The following PCDHGB4 variants were observed in gnomAD, a reference collection of about 807,000 sequenced individuals.
PCDHGB4 encodes the protein protocadherin gamma-B4.
PCDHGB4 carries 38 observed loss-of-function variants against 60.5 expected under a neutral mutation model. The ratio of observed to expected loss-of-function variants is 0.63; its 90% confidence interval spans 0.48 to 0.82. The LOEUF is 0.82. Ranked by LOEUF, PCDHGB4 falls within the 40% of genes least tolerant of loss-of-function variation. The pLI is 0.00. For synonymous variants in PCDHGB4, 456 were observed against 509.7 expected (o/e 0.89, Z 1.42); for missense variants, 1,109 against 1,209.6 (o/e 0.92, Z 1.23).
At chr5:141,414,812 T>C (rs1389980970) in intron 1 of PCDHGB4, 1 of 1,614,172 alleles carries the variant, frequency 6.2e-7, no homozygotes, top group South Asian at 1.1e-5. Flanking sequence ...GATCCTCCAC[T>C]CAGCAGCAAC....
At chr5:141,453,071 C>G (rs561248978) in intron 1 of PCDHGB4, among the ~76,000 whole-genome samples, 13 of 152,150 alleles carry the variant, frequency 8.5e-5, no homozygotes, top group South Asian at 2.1e-4. Flanking sequence ...TTTTGCCACA[C>G]TCTGGTTGAT....
At chr5:141,430,586 C>G in intron 1 of PCDHGB4, 1 of 517,248 alleles carries the variant, frequency 1.9e-6, no homozygotes, top group Non-Finnish European at 3.1e-6. Context: ...TCCTGCTCGC[C>G]TTGCACGCGC....
chr5:141,423,288 C>T, intron 1 of PCDHGB4: 1 of 1,586,414 alleles, frequency 6.3e-7, no homozygotes, highest in African/African-American at 1.3e-5. Context: ...ACTCTGAAAC[C>T]TCAGACCTCT....
chr5:141,476,661 T>G lies in PCDHGB4; in HGVS notation c.2398-18146T>G. 1.2e-6 allele frequency: 2 copies of G among 1,614,076 alleles called. No individual in the cohort carries two copies. The highest frequency in any genetic ancestry group is 1.7e-6 in the Non-Finnish European group (2 of 1,179,938). On this transcript the variant is annotated intron_variant, in intron 1 of 3. Coordinates refer to ENST00000519479, the MANE Select transcript of PCDHGB4 (RefSeq NM_003736.4). The surrounding 1 kb of genome is among the most constrained non-coding windows in gnomAD (Gnocchi z 7.6). Reference sequence around the variant, plus strand: ...CTGAGCCGAAATGAATACTTTGCGCTTCGCGTGCAGACGCGGGAGGACAGC... The same window carrying G: ...CTGAGCCGAAATGAATACTTTGCGCGTCGCGTGCAGACGCGGGAGGACAGC...
intron 1 of PCDHGB4, chr5:141,430,598 T>G: frequency 1.7e-6 from 1 of 598,568 alleles, no homozygotes; most frequent in Non-Finnish European, 2.6e-6. Context: ...TGCACGCGCC[T>G]GAAGCACAAA....
Position 141,489,560 on chromosome 5 carries a change from A to C in PCDHGB4, c.2398-5247A>C, listed in dbSNP as rs749076412. On this transcript the variant is annotated intron_variant, in intron 1 of 3. Coordinates refer to ENST00000519479, the MANE Select transcript of PCDHGB4 (RefSeq NM_003736.4). This position sits in a 1 kb window ranked among gnomAD's most constrained non-coding sequence, Gnocchi z 4.5. Reference sequence around the variant, plus strand: ...AGCACCAGCTGCCTGCTGCCAGTGCAGGTGGTGACTGAACACCCCCTGGAG... The same window carrying C: ...AGCACCAGCTGCCTGCTGCCAGTGCCGGTGGTGACTGAACACCCCCTGGAG... 2 of 1,614,142 alleles carry C rather than the reference A, an allele frequency of 1.2e-6. No individual in the cohort carries two copies. Among genetic ancestry groups the C allele is most frequent in the Admixed American group, 3.3e-5 (2 of 60,024 alleles).
intron 1 of PCDHGB4, chr5:141,418,575 C>T (rs2154547779): frequency 6.2e-7 from 1 of 1,614,018 alleles, no homozygotes; most frequent in East Asian, 2.2e-5. Context: ...AATGACAACC[C>T]CCCAGTGTTC....
intron 1 of PCDHGB4, among the ~76,000 whole-genome samples, chr5:141,467,590 A>T (rs2099146863): frequency 6.6e-6 from 1 of 152,214 alleles, no homozygotes; most frequent in African/African-American, 2.4e-5. Context: ...AATGCCATTT[A>T]TTAAGCACTT....
chr5:141,404,387 C>A, intron 1 of PCDHGB4: 1 of 1,613,874 alleles, frequency 6.2e-7, no homozygotes, highest in Non-Finnish European at 8.5e-7. Context: ...TGCCTATGAC[C>A]CTGATAGCAA....
intron 1 of PCDHGB4, chr5:141,409,423 T>G: frequency 6.2e-7 from 1 of 1,614,026 alleles, no homozygotes; most frequent in Non-Finnish European, 8.5e-7. Context: ...TGGTGACAGA[T>G]GGAGCCCTGG....
chr5:141,394,276 C>T, intron 1 of PCDHGB4: 2 of 1,613,976 alleles, frequency 1.2e-6, no homozygotes, highest in South Asian at 1.1e-5. Flanking sequence ...GCCCAGGTCA[C>T]TTACTCTGTG....
chr5:141,487,340 G>A lies in PCDHGB4; in HGVS notation c.2398-7467G>A, dbSNP rs2099643329. 6.2e-7 allele frequency: 1 copy of A among 1,614,182 alleles called. No individual in the cohort carries two copies. Among genetic ancestry groups the A allele is most frequent in the Admixed American group, 1.7e-5 (1 of 60,024 alleles). The stretch of plus-strand genomic sequence containing the variant: ...GTGTCTTCGTGGGGCAGCCTGTGGA[G>A]TCACATGCTTTCCTGCTGGCACCTG... On this transcript the variant is annotated intron_variant, in intron 1 of 3. Coordinates refer to ENST00000519479, the MANE Select transcript of PCDHGB4 (RefSeq NM_003736.4). This position sits in a 1 kb window ranked among gnomAD's most constrained non-coding sequence, Gnocchi z 5.0.
chr5:141,392,869 T>G, intron 1 of PCDHGB4: 4 of 1,613,228 alleles, frequency 2.5e-6, no homozygotes, highest in Non-Finnish European at 3.4e-6. Flanking sequence ...CTGTGCGCGC[T>G]GCTGGGAACG....
chr5:141,420,673 A>T (rs1244699899), intron 1 of PCDHGB4, among the ~76,000 whole-genome samples: 5 of 152,208 alleles, frequency 3.3e-5, no homozygotes, highest in Admixed American at 3.3e-4. Flanking sequence ...CTACCTGATG[A>T]TTTTATCGGG....
At chr5:141,398,014 C>T in intron 1 of PCDHGB4, 1 of 1,420,276 alleles carries the variant, frequency 7.0e-7, no homozygotes, top group South Asian at 1.5e-5. Context: ...AGAATCGTTT[C>T]CTAAACTGGA....
rs1380943019 is a variant in PCDHGB4 at position 141,389,411 on chromosome 5, C to T, written c.1527C>T (p.Ser509=). ...CCTACGTGTCCATAAGCGCGGAGAG[C>T]GGGGTGGTGTTCGCGCAGCGCGCCT... is the stretch of plus-strand genomic sequence containing the variant. ...LSSYVSISAE[S]GVVFAQRAFD... is the part of the protein sequence containing the mutation. The change falls in exon 1 of 4, where the codon AGC becomes AGT. Residue 509 remains serine, a synonymous_variant. Coordinates refer to ENST00000519479, the MANE Select transcript of PCDHGB4 (RefSeq NM_003736.4). 8 of 1,613,450 alleles carry T rather than the reference C, an allele frequency of 5.0e-6. No homozygotes were observed. The East Asian group carries it at 6.7e-5, about 13-fold the overall frequency.
chr5:141,400,080 C>T (rs375308173), intron 1 of PCDHGB4: 219 of 1,614,010 alleles, frequency 1.4e-4, no homozygotes, highest in East Asian at 2.9e-4. Flanking sequence ...CGCCACTCTC[C>T]GCCACCGCCA....
intron 1 of PCDHGB4, 82 bp from the exon 2 acceptor site, chr5:141,494,725 C>G: frequency 6.2e-7 from 1 of 1,610,026 alleles, no homozygotes; most frequent in East Asian, 2.2e-5. Flanking sequence ...CCCTCCTTCT[C>G]TCCCGGCCCA....
intron 1 of PCDHGB4, chr5:141,441,529 A>C (rs1042479748): frequency 4.6e-5 from 8 of 172,366 alleles, no homozygotes; most frequent in African/African-American, 1.9e-4. Flanking sequence ...GGCCAAGAAC[A>C]ATCTTCCCAA....
Sources: gnomAD v4.1 joint callset for allele counts (sites outside exome capture counted in the v4.1 genomes callset) on GRCh38, gnomAD v4.1.1 for gene constraint, Gnocchi (gnomAD v3.1) non-coding constraint, MANE v1.5 for transcripts, NCBI Gene and HGNC (gene_info 2026-07-23, HGNC 2026-07-21) for gene names.